The following SLC15A1 variants were observed in gnomAD, a reference collection of about 807,000 sequenced individuals.
SLC15A1 encodes Caco-2 oligopeptide transporter.
SLC15A1 carries 83 observed loss-of-function variants against 92.9 expected under a neutral mutation model. That is an observed-to-expected ratio of 0.89 (90% confidence interval 0.75 to 1.07). The LOEUF (loss-of-function observed/expected upper bound fraction) is 1.07, where lower values mean the gene tolerates loss of function less well. SLC15A1 is among the 50% of genes least tolerant of loss of function. The pLI is 0.00. For missense variants in SLC15A1, 857 were observed against 880.1 expected (o/e 0.97, Z 0.33); for synonymous variants, 322 against 318.2 (o/e 1.01, Z -0.13).
In SLC15A1 at chr13:98,745,952, T is replaced by C. The variant is rs1286974677; in HGVS notation, c.4+6643A>G. 2.0e-5 allele frequency among the ~76,000 whole-genome samples: 3 copies of C among 152,146 alleles called. No individual in the cohort carries two copies. In the East Asian group the frequency reaches 5.8e-4, roughly 29 times the overall value. On this transcript the variant is annotated intron_variant, in intron 1 of 22. Coordinates refer to ENST00000376503, the MANE Select transcript of SLC15A1 (RefSeq NM_005073.4). Reference sequence around the variant, plus strand: ...GGTAACTCGTGACTCAGGGTTTTGATGCTCAGATTATTTTTCCACCTAGGT... The same window carrying C: ...GGTAACTCGTGACTCAGGGTTTTGACGCTCAGATTATTTTTCCACCTAGGT...
rs4646233 is a variant in SLC15A1 at position 98,684,545 on chromosome 13, CA to C, written c.*178del. On this transcript the variant is annotated 3_prime_UTR_variant, in exon 23 of 23. Coordinates refer to ENST00000376503, the MANE Select transcript of SLC15A1 (RefSeq NM_005073.4). ...GGACAACAAGAGCAAAACTCTGTCT[CA>C]AAAAAAAAAAAAAAAAAAAAAAGAA... The C allele has an allele frequency of 0.14, 27,390 of 192,308 alleles. 165 individuals are homozygous for C. The highest frequency in any genetic ancestry group is 0.17 in the African/African-American group (3,759 of 21,712). 11.9% of individuals were successfully genotyped at this position (192,308 alleles called of 1,614,324 possible). A position where few individuals can be genotyped will look rare whatever the true frequency, so the allele number is the denominator to read the frequency against.
intron 1 of SLC15A1, among the ~76,000 whole-genome samples, chr13:98,738,883 G>A (rs1408268783): frequency 6.6e-6 from 1 of 152,200 alleles, no homozygotes; most frequent in Non-Finnish European, 1.5e-5. Context: ...CCAACATCTT[G>A]CACTCTCAGC....
At chr13:98,685,120 C>T (rs1238783306) in intron 22 of SLC15A1, among the ~76,000 whole-genome samples, 1 of 152,142 alleles carries the variant, frequency 6.6e-6, no homozygotes, top group East Asian at 1.9e-4. Context: ...CTAATATAGA[C>T]AACATGTTTT....
intron 1 of SLC15A1, among the ~76,000 whole-genome samples, chr13:98,752,347 C>T (rs4646209): frequency 0.15 from 23,313 of 152,146 alleles, 2,432 homozygotes; most frequent in African/African-American, 0.28. Context: ...CACGGGCGGG[C>T]GGGCCAGGAT....
chr13:98,689,893 A>G (rs2087961259), intron 18 of SLC15A1, among the ~76,000 whole-genome samples: 1 of 152,326 alleles, frequency 6.6e-6, no homozygotes, highest in South Asian at 2.1e-4. Flanking sequence ...CTATCTCTAC[A>G]AAGTCCCGTG....
chr13:98,747,106 T>C (rs2088499509), intron 1 of SLC15A1, among the ~76,000 whole-genome samples: 1 of 152,048 alleles, frequency 6.6e-6, no homozygotes. Flanking sequence ...TCCTCCGCAA[T>C]AGACTTCCAG....
chr13:98,698,365 C>A (rs761331281), intron 18 of SLC15A1, among the ~76,000 whole-genome samples: 3 of 152,116 alleles, frequency 2.0e-5, no homozygotes, highest in Admixed American at 6.5e-5. Flanking sequence ...CAATGTGAAG[C>A]AAACAGGAGG....
intron 1 of SLC15A1, among the ~76,000 whole-genome samples, chr13:98,749,985 C>A (rs1294251410): frequency 3.9e-5 from 6 of 152,136 alleles, no homozygotes; most frequent in African/African-American, 1.4e-4. Flanking sequence ...CCCCAGGACC[C>A]GAAGCATTTC....
Position 98,684,848 on chromosome 13 carries a change from C to CG in SLC15A1, c.2002dup (p.Arg668ProfsTer16), listed in dbSNP as rs1566440575. On this transcript the variant is annotated frameshift_variant, in exon 23 of 23. Coordinates refer to ENST00000376503, the MANE Select transcript of SLC15A1 (RefSeq NM_005073.4). LOFTEE classifies it low-confidence loss of function (END_TRUNC). ...CGCTGGGTTGATGTAAGTATAGAACCGAGCCATGATGGCAAAAATTACACA... is the reference window on the plus strand; with the variant it reads ...CGCTGGGTTGATGTAAGTATAGAACCGGAGCCATGATGGCAAAAATTACACA... The CG allele has an allele frequency of 6.2e-7, 1 of 1,613,836 alleles. No homozygotes were observed. The highest frequency in any genetic ancestry group is 8.5e-7 in the Non-Finnish European group (1 of 1,179,992).
At chr13:98,691,453 A>G (rs1253824473) in intron 18 of SLC15A1, among the ~76,000 whole-genome samples, 1 of 152,242 alleles carries the variant, frequency 6.6e-6, no homozygotes, top group Admixed American at 6.5e-5. Flanking sequence ...GCTGCAATGA[A>G]CATGCATGCA....
intron 8 of SLC15A1, among the ~76,000 whole-genome samples, chr13:98,717,720 A>G (rs1593995491): frequency 6.6e-6 from 1 of 152,250 alleles, no homozygotes; most frequent in African/African-American, 2.4e-5. Context: ...AAATTGCTAC[A>G]CTGTGAGCAA....
intron 8 of SLC15A1, 43 bp from the exon 9 acceptor site, chr13:98,716,003 G>A (rs370164521): frequency 1.7e-5 from 26 of 1,543,436 alleles, no homozygotes; most frequent in African/African-American, 6.8e-5. Context: ...GCATGTGACC[G>A]AGCGCCCTGT....
intron 1 of SLC15A1, among the ~76,000 whole-genome samples, chr13:98,738,666 A>G (rs914298096): frequency 3.3e-5 from 5 of 152,372 alleles, no homozygotes; most frequent in African/African-American, 1.2e-4. Flanking sequence ...GAGTCTCTGC[A>G]TAGATTTCAG....
rs917754775 is a variant in SLC15A1 at position 98,683,985 on chromosome 13, A to G, written c.*739T>C. The G allele has an allele frequency of 6.6e-6, 1 of 152,166 alleles. No homozygotes were observed. Among genetic ancestry groups the G allele is most frequent in the African/African-American group, 2.4e-5 (1 of 41,442 alleles). 9.4% of individuals were successfully genotyped at this position (152,166 alleles called of 1,614,324 possible). ...CTGGTCCTTATCACAGCCATTTCAA[A>G]CCTGTACGTTCACTTTTGGCCTTGG... On this transcript the variant is annotated 3_prime_UTR_variant, in exon 23 of 23. Coordinates refer to ENST00000376503, the MANE Select transcript of SLC15A1 (RefSeq NM_005073.4).
At chr13:98,734,765 C>T (rs2088377870) in intron 1 of SLC15A1, among the ~76,000 whole-genome samples, 1 of 152,178 alleles carries the variant, frequency 6.6e-6, no homozygotes, top group African/African-American at 2.4e-5. Context: ...TGGACACATA[C>T]ACCCTCCCAA....
In SLC15A1 at chr13:98,688,479, G is replaced by A; in HGVS notation, c.1565C>T (p.Pro522Leu). 1 of 1,613,650 alleles carries A rather than the reference G, an allele frequency of 6.2e-7. No homozygotes were observed. The highest frequency in any genetic ancestry group is 8.5e-7 in the Non-Finnish European group (1 of 1,179,682). Residue 522 changes from proline to leucine, a missense_variant, in exon 19 of 23, where the codon CCT (proline) becomes CTT (leucine). By Grantham distance (98) the Pro-to-Leu change is moderately conservative (BLOSUM62 -3). Transcript: ENST00000376503. ...SYNASTYQFF[P>L]SGIKGFTISS... ...CAGTCTCGGTACTTACATGCCAGAA[G>A]GAAAAAACTGGTATGTGCTGGCATT... is the stretch of plus-strand genomic sequence containing the variant.
chr13:98,726,626 G>C, intron 2 of SLC15A1, 177 bp from the exon 3 acceptor site: 1 of 752,226 alleles, frequency 1.3e-6, no homozygotes, highest in Non-Finnish European at 2.3e-6. Flanking sequence ...CTTCCACATA[G>C]AGACAGCAAT....
intron 1 of SLC15A1, among the ~76,000 whole-genome samples, chr13:98,737,475 A>G (rs1301868021): frequency 6.6e-6 from 1 of 152,204 alleles, no homozygotes; most frequent in Non-Finnish European, 1.5e-5. Context: ...ATATGTGAAC[A>G]CTAGAACTTA....
intron 18 of SLC15A1, among the ~76,000 whole-genome samples, chr13:98,698,056 GA>G (rs1477731276): frequency 1.3e-5 from 2 of 151,744 alleles, no homozygotes; most frequent in South Asian, 2.1e-4. Flanking sequence ...AGGTTACGGG[GA>G]AAAAAAATAG....
Sources: allele counts gnomAD v4.1 joint callset (sites outside exome capture counted in the v4.1 genomes callset), GRCh38; gene constraint gnomAD v4.1.1; transcripts MANE v1.5; gene names NCBI Gene and HGNC (gene_info 2026-07-23, HGNC 2026-07-21).